The following OR14A2 variants were observed in gnomAD, a reference collection of about 807,000 sequenced individuals.
The protein encoded by OR14A2 is olfactory receptor family 14 subfamily A member 2, also known as olfactory receptor 14A2.
For missense variants in OR14A2, 237 were observed against 152.9 expected, an observed-to-expected ratio of 1.55 and a Z score of -2.90; for synonymous variants, 114 against 58.6, an observed-to-expected ratio of 1.95 and a Z score of -4.32.
the OR14A2 span, among the ~76,000 whole-genome samples, chr1:247,732,642 T>A: frequency 1.3e-5 from 2 of 152,180 alleles, no homozygotes; most frequent in Non-Finnish European, 2.9e-5. Context: ...AAACAAATCC[T>A]GCATATAAGT....
At chr1:247,730,523 A>G in the OR14A2 span, among the ~76,000 whole-genome samples, 1 of 151,818 alleles carries the variant, frequency 6.6e-6, no homozygotes, top group African/African-American at 2.4e-5. Flanking sequence ...TAATTTTTAA[A>G]ATTTCTTTTA....
exon 1 of OR14A2, chr1:247,723,626 C>T (rs145832371): frequency 1.4e-6 from 1 of 718,286 alleles, no homozygotes; most frequent in Non-Finnish European, 2.6e-6. Flanking sequence ...GCCATTAACA[C>T]ACAGACTCCA....
the OR14A2 span, among the ~76,000 whole-genome samples, chr1:247,729,446 A>G: frequency 1.3e-5 from 2 of 152,112 alleles, no homozygotes; most frequent in Admixed American, 1.3e-4. Flanking sequence ...CACTTTGCTA[A>G]AAATGAAGAC....
At chr1:247,741,570 G>A in the OR14A2 span, among the ~76,000 whole-genome samples, 8 of 152,270 alleles carry the variant, frequency 5.3e-5, no homozygotes, top group African/African-American at 1.9e-4. Context: ...TTTTTAGAGA[G>A]CAACCATACA....
the OR14A2 span, among the ~76,000 whole-genome samples, chr1:247,744,663 A>G: frequency 2.0e-5 from 3 of 152,156 alleles, no homozygotes; most frequent in African/African-American, 7.2e-5. This position sits in a 1 kb window ranked among gnomAD's most constrained non-coding sequence, Gnocchi z 4.3. Context: ...ATTCCCATGT[A>G]TCTTGATGGA....
the OR14A2 span, chr1:247,738,784 T>C: frequency 1.3e-6 from 1 of 780,736 alleles, no homozygotes; most frequent in Non-Finnish European, 2.4e-6. Context: ...CACATGGCAA[T>C]GTACTTTTTC....
At chr1:247,737,232 C>CTG in the OR14A2 span, among the ~76,000 whole-genome samples, 4 of 151,972 alleles carry the variant, frequency 2.6e-5, no homozygotes, top group Admixed American at 6.6e-5. Flanking sequence ...ATCCTCTCGG[C>CTG]TGTGTGTGTG....
chr1:247,739,653 C>T, the OR14A2 span: 1 of 623,446 alleles, frequency 1.6e-6, no homozygotes, highest in Non-Finnish European at 2.9e-6. Flanking sequence ...ATAAAAATGT[C>T]ATGGAGTCTT....
chr1:247,728,038 A>G (rs1657719595), upstream of OR14A2, among the ~76,000 whole-genome samples: 1 of 145,878 alleles, frequency 6.9e-6, no homozygotes, highest in Non-Finnish European at 1.5e-5. Flanking sequence ...ATTCCAATCA[A>G]TAGAAAAAGA....
chr1:247,725,436 T>C (rs1043475274), upstream of OR14A2, among the ~76,000 whole-genome samples: 2 of 151,916 alleles, frequency 1.3e-5, no homozygotes, highest in Non-Finnish European at 2.9e-5. Context: ...AGGAGGAAGA[T>C]AATTAATTGT....
chr1:247,745,471 C>T, the OR14A2 span, among the ~76,000 whole-genome samples: 1 of 151,124 alleles, frequency 6.6e-6, no homozygotes, highest in African/African-American at 2.4e-5. Flanking sequence ...AAAAATCTTC[C>T]CTAAGCAAAA....
chr1:247,729,946 G>C, the OR14A2 span, among the ~76,000 whole-genome samples: 2 of 151,934 alleles, frequency 1.3e-5, no homozygotes, highest in East Asian at 3.9e-4. Flanking sequence ...ATAAATGCTG[G>C]CAAACATTAG....
At chr1:247,732,544 C>T in the OR14A2 span, among the ~76,000 whole-genome samples, 4 of 152,178 alleles carry the variant, frequency 2.6e-5, no homozygotes. Flanking sequence ...TAAAACCTCT[C>T]TTTTAGCAAA....
At chr1:247,723,104 T>C (rs901811702) in exon 1 of OR14A2, 2 of 709,898 alleles carry the variant, frequency 2.8e-6, no homozygotes, top group African/African-American at 3.5e-5. Flanking sequence ...AAGTGTTAAA[T>C]GAAGTAAGCC....
the OR14A2 span, chr1:247,739,240 T>C: frequency 1.3e-6 from 1 of 780,936 alleles, no homozygotes; most frequent in Non-Finnish European, 2.4e-6. Flanking sequence ...TTTTCATGTT[T>C]AGTTTGCATT....
chr1:247,734,407 A>G, the OR14A2 span, among the ~76,000 whole-genome samples: 2 of 152,204 alleles, frequency 1.3e-5, no homozygotes, highest in Non-Finnish European at 2.9e-5. Flanking sequence ...CCCCATCTGT[A>G]GTATTTTGTC....
the OR14A2 span, among the ~76,000 whole-genome samples, chr1:247,740,378 A>G: frequency 6.6e-6 from 1 of 152,332 alleles, no homozygotes; most frequent in East Asian, 1.9e-4. Context: ...AGTTTAAAAA[A>G]TGTACTCAAT....
the OR14A2 span, among the ~76,000 whole-genome samples, chr1:247,730,858 A>G: frequency 3.3e-5 from 5 of 151,964 alleles, no homozygotes; most frequent in African/African-American, 1.2e-4. Flanking sequence ...CTCTCATTGG[A>G]TTGGATGATG....
chr1:247,737,695 C>G, the OR14A2 span, among the ~76,000 whole-genome samples: 2,539 of 152,056 alleles, frequency 0.017, 79 homozygotes, highest in African/African-American at 0.058. Flanking sequence ...TGAAGTGATA[C>G]TAAAGTAAAA....
Sources: allele counts gnomAD v4.1 joint callset (sites outside exome capture counted in the v4.1 genomes callset), GRCh38; gene constraint gnomAD v4.1.1; non-coding constraint Gnocchi (gnomAD v3.1); transcripts MANE v1.5; gene names NCBI Gene and HGNC (gene_info 2026-07-23, HGNC 2026-07-21).